The following CALN1 variants were observed in gnomAD, a reference collection of about 807,000 sequenced individuals.
CALN1 encodes calneuron 1.
Under a neutral mutation model 30.6 loss-of-function variants are expected in CALN1, and 17 were observed. That is an observed-to-expected ratio of 0.56 (90% CI 0.38 to 0.83). The LOEUF (loss-of-function observed/expected upper bound fraction) is 0.83, where lower values mean the gene tolerates loss of function less well. Ranked by LOEUF, CALN1 falls within the 40% of genes least tolerant of loss-of-function variation. CALN1 has a pLI of 0.00. For missense variants in CALN1, 291 were observed against 354.9 expected (o/e 0.82, Z 1.45); for synonymous variants, 156 against 131.4 (o/e 1.19, Z -1.28).
At chr7:71,991,564 C>G (rs531498924) in intron 5 of CALN1, among the ~76,000 whole-genome samples, 2 of 151,294 alleles carry the variant, frequency 1.3e-5, no homozygotes, top group South Asian at 2.1e-4. Context: ...TCTGACCAAT[C>G]AATCTATAAC....
chr7:72,234,736 G>C (rs1483057189), intron 3 of CALN1, among the ~76,000 whole-genome samples: 1 of 151,718 alleles, frequency 6.6e-6, no homozygotes, highest in Non-Finnish European at 1.5e-5. Context: ...GTGAGCCACC[G>C]TGTCCGGACA....
chr7:72,022,240 T>C lies in CALN1; in HGVS notation c.501+1417A>G, dbSNP rs549553933. On this transcript the variant is annotated intron_variant, in intron 5 of 6. Coordinates refer to ENST00000395275, the MANE Select transcript of CALN1 (RefSeq NM_031468.4). ...CCTTCCATTCATCTATTGAAACAAA[T>C]AGTTATTGAGGGCTTGCTGTGTACA... Among the ~76,000 whole-genome samples the C allele has an allele frequency of 1.2e-4, 19 of 152,306 alleles. No homozygotes were observed. In the South Asian group the frequency reaches 3.3e-3, roughly 27 times the overall value.
intron 2 of CALN1, among the ~76,000 whole-genome samples, chr7:72,299,689 CTTTTTT>C (rs34296600): frequency 5.8e-5 from 7 of 119,846 alleles, no homozygotes; most frequent in South Asian, 5.5e-4. Context: ...ATGCTCTTAT[CTTTTTT>C]TTTTTTTTTT....
At chr7:71,957,927 T>A (rs920223165) in intron 5 of CALN1, among the ~76,000 whole-genome samples, 2 of 151,718 alleles carry the variant, frequency 1.3e-5, no homozygotes, top group African/African-American at 4.8e-5. Flanking sequence ...TAGCCAGGCG[T>A]GGTGGCATGC....
At chr7:71,889,316 T>C (rs1793100230) in intron 5 of CALN1, among the ~76,000 whole-genome samples, 1 of 152,184 alleles carries the variant, frequency 6.6e-6, no homozygotes, top group Non-Finnish European at 1.5e-5. Flanking sequence ...GGCTCTTTTA[T>C]TTATTTATTT....
rs188361899 is a variant in CALN1 at position 72,438,937 on chromosome 7, C to G, written c.-226+8105G>C. The stretch of plus-strand genomic sequence containing the variant: ...CAAGCCACCTAACTTTTCAACATTC[C>G]TTAAAGGAAACCTCAGAAGAAAATA... On this transcript the variant is annotated intron_variant, in intron 1 of 6. Coordinates refer to the CALN1 transcript ENST00000395276. 4.9e-3 allele frequency among the ~76,000 whole-genome samples: 741 copies of G among 152,306 alleles called. 5 individuals carry two copies. The highest frequency in any genetic ancestry group is 0.017 in the Middle Eastern group (5 of 294).
chr7:71,864,092 T>TCC (rs35586248), intron 5 of CALN1, among the ~76,000 whole-genome samples: 20 of 151,864 alleles, frequency 1.3e-4, no homozygotes, highest in East Asian at 9.7e-4. Context: ...AATAAGATCC[T>TCC]CCCCCCCGAT....
chr7:72,498,900 A>C, the CALN1 span, among the ~76,000 whole-genome samples: 268 of 152,308 alleles, frequency 1.8e-3, 1 homozygote, highest in African/African-American at 5.9e-3. Flanking sequence ...TATTTTGCAA[A>C]ATATCAATTT....
At chr7:72,290,079 TAAAAAAAAAAAAAAAAAAAAAAAAAAAA>T (rs60416266) in intron 2 of CALN1, among the ~76,000 whole-genome samples, 37 of 32,122 alleles carry the variant, frequency 1.2e-3, no homozygotes, top group South Asian at 2.7e-3. Context: ...GACCCTGTCT[TAAAAAAAAAAAAAAAAAAAAAAAAAAAA>T]AAAAAAAAAA....
chr7:72,199,231 C>T (rs1351838422), intron 3 of CALN1, among the ~76,000 whole-genome samples: 1 of 152,134 alleles, frequency 6.6e-6, no homozygotes, highest in Non-Finnish European at 1.5e-5. Context: ...GCTGAGATTG[C>T]ACCACTGCAC....
At chr7:71,893,282 C>T (rs187502207) in intron 5 of CALN1, among the ~76,000 whole-genome samples, 1 of 152,296 alleles carries the variant, frequency 6.6e-6, no homozygotes, top group African/African-American at 2.4e-5. Context: ...GCTAAACACC[C>T]TGTGATGCAC....
At chr7:72,345,197 T>G (rs904521769) in intron 2 of CALN1, among the ~76,000 whole-genome samples, 2 of 150,128 alleles carry the variant, frequency 1.3e-5, no homozygotes, top group East Asian at 3.9e-4. Context: ...ATCACAGGCA[T>G]AGAAGGAAAA....
At chr7:72,349,282 TTGTGTGTG>T (rs3032183) in intron 2 of CALN1, among the ~76,000 whole-genome samples, 9,604 of 147,810 alleles carry the variant, frequency 0.065, 364 homozygotes, top group African/African-American at 0.07. Context: ...ACACGCGTGC[TTGTGTGTG>T]TGTGTGTGTG....
At chr7:72,332,885 C>A (rs1363561337) in intron 2 of CALN1, among the ~76,000 whole-genome samples, 1 of 152,130 alleles carries the variant, frequency 6.6e-6, no homozygotes, top group Non-Finnish European at 1.5e-5. Context: ...CCCTGGTATC[C>A]ATGTTTCTGG....
At chr7:71,883,103 G>A (rs1792682361) in intron 5 of CALN1, among the ~76,000 whole-genome samples, 2 of 150,354 alleles carry the variant, frequency 1.3e-5, no homozygotes, top group South Asian at 4.2e-4. Flanking sequence ...AATACTATGA[G>A]GATAGTGATA....
At chr7:72,286,909 C>T in intron 2 of CALN1, among the ~76,000 whole-genome samples, 1 of 151,950 alleles carries the variant, frequency 6.6e-6, no homozygotes. Flanking sequence ...AATGCAAATT[C>T]ATAAAGAAAT....
At chr7:71,974,950 C>T (rs1050632783) in intron 5 of CALN1, among the ~76,000 whole-genome samples, 16 of 152,122 alleles carry the variant, frequency 1.1e-4, no homozygotes, top group African/African-American at 3.9e-4. Flanking sequence ...GCTCTCTGTT[C>T]TCATTAACCT....
intron 5 of CALN1, among the ~76,000 whole-genome samples, chr7:71,928,012 C>G (rs1381471510): frequency 2.0e-5 from 3 of 152,152 alleles, no homozygotes; most frequent in African/African-American, 4.8e-5. Flanking sequence ...AAGGTTTGCT[C>G]CCCTTCTCCA....
intron 5 of CALN1, among the ~76,000 whole-genome samples, chr7:71,989,643 C>T (rs545597108): frequency 6.6e-6 from 1 of 152,168 alleles, no homozygotes; most frequent in South Asian, 2.1e-4. Flanking sequence ...TGCGACAAAT[C>T]GCAGGATACT....
Sources: allele counts gnomAD v4.1 joint callset (sites outside exome capture counted in the v4.1 genomes callset), GRCh38; gene constraint gnomAD v4.1.1; transcripts MANE v1.5; gene names NCBI Gene and HGNC (gene_info 2026-07-23, HGNC 2026-07-21).